Variants in KIF21B observed in about 807,000 individuals in gnomAD.
KIF21B encodes kinesin-like protein KIF21B.
In KIF21B, 85 loss-of-function variants were observed where a neutral mutation model predicts 192.9. The observed-to-expected ratio is 0.44, with a 90% CI of 0.37 to 0.53. KIF21B has a LOEUF of 0.53. Among genes scored for constraint, KIF21B ranks in the 20% least tolerant of loss-of-function variants. The pLI is 0.00. For missense variants in KIF21B, 1,716 were observed against 2,194.8 expected (o/e 0.78, Z 4.36); for synonymous variants, 832 against 884.6 (o/e 0.94, Z 1.05).
Position 200,999,930 on chromosome 1 carries a change from G to A in KIF21B, c.1720C>T (p.Leu574Phe). The A allele has an allele frequency of 1.2e-6, 2 of 1,614,026 alleles. No individual in the cohort carries two copies. Among genetic ancestry groups the A allele is most frequent in the South Asian group, 1.1e-5 (1 of 91,092 alleles). Residue 574 changes from leucine (L) to phenylalanine (F), a missense_variant, in exon 12 of 35, where the codon CTC becomes TTC. Leu to Phe is a conservative substitution (Grantham distance 22). Around this residue, in one of 3 missense-constraint regions of KIF21B, gnomAD observed 1,087 missense variants for 1,316.6 expected, o/e 0.83. Coordinates refer to ENST00000461742, the MANE Select transcript of KIF21B (RefSeq NM_001252102.2). The surrounding 1 kb of genome is among the most constrained non-coding windows in gnomAD (Gnocchi z 4.7). ...EKEAFKKRAK[L>F]QQENSEETDE... ...GTCTCCTCGCTGTTCTCCTGTTGGA[G>A]TTTTGCCCTCTTTTTGAAGGCTTCC...
In KIF21B at chr1:200,992,314, C is replaced by T. The variant is rs775462491; in HGVS notation, c.2353G>A (p.Ala785Thr). 30 of 1,612,624 alleles carry T rather than the reference C, an allele frequency of 1.9e-5. No homozygotes were observed. Among genetic ancestry groups the T allele is most frequent in the East Asian group, 1.1e-4 (5 of 44,902 alleles). Residue 785 changes from alanine (A) to threonine (T), a missense_variant, in exon 16 of 35, where the codon GCA (alanine) becomes ACA (threonine). Physicochemically the swap from Ala to Thr is moderately conservative, Grantham distance 58. Around this residue, in one of 3 missense-constraint regions of KIF21B, gnomAD observed 1,087 missense variants for 1,316.6 expected, o/e 0.83. Transcript: ENST00000461742. The stretch of plus-strand genomic sequence containing the variant: ...CGCCGCTGCTCCTTCTTGAGCTGTG[C>T]GATCTCCCGGTTCCTCTTGGTCTCC... The part of the protein sequence containing the change: ...LVETKRNREI[A>T]QLKKEQRRQE...
In KIF21B at chr1:201,002,103, G is replaced by A. The variant is rs1458392496; in HGVS notation, c.1402+58C>T. 34 of 1,481,574 alleles carry A rather than the reference G, an allele frequency of 2.3e-5. No homozygotes were observed. The Admixed American group carries it at 2.5e-4, about 11-fold the overall frequency. The allele number at this position is 1,481,574 out of a possible 1,614,324, so 91.8% of individuals were successfully genotyped here. A position where few individuals can be genotyped will look rare whatever the true frequency, so the allele number is the denominator to read the frequency against. On this transcript the variant is annotated intron_variant, in intron 9 of 34. Transcript: ENST00000461742. ...CACCTGATACTCTGGGGTGGATGTC[G>A]GGGGAGGGAGTCCTAGCCCGTTGGT...
At chr1:201,018,205 G>A (rs1448922222) in intron 1 of KIF21B, among the ~76,000 whole-genome samples, 1 of 152,198 alleles carries the variant, frequency 6.6e-6, no homozygotes, top group Non-Finnish European at 1.5e-5. Context: ...TGTGAGGTGG[G>A]GGGCCAGCAA....
At chr1:201,016,466 C>A (rs1658509312) in intron 1 of KIF21B, among the ~76,000 whole-genome samples, 1 of 152,194 alleles carries the variant, frequency 6.6e-6, no homozygotes, top group African/African-American at 2.4e-5. Flanking sequence ...CTTTAATGAG[C>A]CTCCTCTCCT....
At position 201,005,288 on chromosome 1, in the gene KIF21B, G is replaced by GC; in HGVS notation, c.732+19dup. 1 of 1,558,320 alleles carries GC rather than the reference G, an allele frequency of 6.4e-7. No homozygotes were observed. ...ACCCCTGCAGCAAGCTGGCTCCTGG[G>GC]CCCCCTGCAGGCTCCTCACCAGGTC... is the stretch of plus-strand genomic sequence containing the variant. On this transcript the variant is annotated intron_variant, in intron 5 of 34. Transcript: ENST00000461742.
rs1342095676 is a variant in KIF21B, at chr1:201,023,030, G to T, written c.41+313C>A. On this transcript the variant is annotated intron_variant, in intron 1 of 34. Coordinates refer to ENST00000461742, the MANE Select transcript of KIF21B (RefSeq NM_001252102.2). This position sits in a 1 kb window ranked among gnomAD's most constrained non-coding sequence, Gnocchi z 5.9. ...GGAGGCGAAGAGGAAACGCACAGAC[G>T]CTCCGGCCTGGGCCAGAGCTGGGTG... is the stretch of plus-strand genomic sequence containing the variant. Among the ~76,000 whole-genome samples the T allele has an allele frequency of 6.6e-6, 1 of 152,266 alleles. No homozygotes were observed. Among genetic ancestry groups the T allele is most frequent in the African/African-American group, 2.4e-5 (1 of 41,482 alleles).
In KIF21B at chr1:200,978,375, TA is replaced by T. The variant is rs546938441; in HGVS notation, c.4161-1000del. Among the ~76,000 whole-genome samples, 421 of 151,932 alleles carry T rather than the reference TA, an allele frequency of 2.8e-3. 1 individual carries two copies. The highest frequency in any genetic ancestry group is 9.6e-3 in the African/African-American group (399 of 41,410). Reference sequence around the variant, plus strand: ...TGTTTACTTTTTTTTTTTAAGACTTTATTTTTTTTTTTAAGGCCAGTTTTAG... The same window carrying T: ...TGTTTACTTTTTTTTTTTAAGACTTTTTTTTTTTTTTAAGGCCAGTTTTAG... On this transcript the variant is annotated intron_variant, in intron 30 of 34. Coordinates refer to ENST00000461742, the MANE Select transcript of KIF21B (RefSeq NM_001252102.2).
chr1:200,987,244 A>C, intron 24 of KIF21B, 43 bp from the exon 25 acceptor site: 1 of 1,552,124 alleles, frequency 6.4e-7, no homozygotes, highest in Non-Finnish European at 8.8e-7. Context: ...CCCAAATTGC[A>C]TGGCACATAA....
intron 24 of KIF21B, among the ~76,000 whole-genome samples, chr1:200,987,800 GC>G (rs1656403966): frequency 6.6e-6 from 1 of 152,222 alleles, no homozygotes; most frequent in African/African-American, 2.4e-5. Flanking sequence ...CCAGTCTGAA[GC>G]TTTTTCCCTC....
intron 1 of KIF21B, among the ~76,000 whole-genome samples, chr1:201,013,364 G>A (rs1220206166): frequency 3.9e-5 from 6 of 152,076 alleles, no homozygotes; most frequent in Admixed American, 2.6e-4. Context: ...CCCCACCCTT[G>A]GTGAGGTCAC....
At position 201,004,774 on chromosome 1, in the gene KIF21B, A is replaced by C. The variant is rs761122837; in HGVS notation, c.892T>G (p.Cys298Gly). The change falls in exon 6 of 35, where the codon TGT becomes GGT. Residue 298 changes from cysteine to glycine, a missense_variant. By Grantham distance (159) the Cys-to-Gly change is radical. Around this residue, in one of 3 missense-constraint regions of KIF21B, gnomAD observed 1,087 missense variants for 1,316.6 expected, o/e 0.83. Coordinates refer to ENST00000461742, the MANE Select transcript of KIF21B (RefSeq NM_001252102.2). ...ACCCACCATGTGCCTACCAGGCCAC[A>C]GTTGATGGAGATGCCCTCCTTGGCC... ...ERAKEGISIN[C>G]GLLALGNVIS... 4.3e-5 allele frequency: 69 copies of C among 1,613,980 alleles called. No homozygotes were observed. Among genetic ancestry groups the C allele is most frequent in the Non-Finnish European group, 5.7e-5 (67 of 1,180,030 alleles).
intron 1 of KIF21B, among the ~76,000 whole-genome samples, chr1:201,014,896 A>G (rs561096216): frequency 6.6e-6 from 1 of 152,336 alleles, no homozygotes; most frequent in South Asian, 2.1e-4. Flanking sequence ...TCTTACAAAT[A>G]TGGTGCATGA....
At chr1:201,006,026 G>A (rs1482755600) in intron 3 of KIF21B, among the ~76,000 whole-genome samples, 3 of 152,266 alleles carry the variant, frequency 2.0e-5, no homozygotes, top group Non-Finnish European at 4.4e-5. Flanking sequence ...AATTTGAGAA[G>A]ATCCTGTCGT....
At chr1:200,991,971 C>T (rs372009214) in intron 16 of KIF21B, among the ~76,000 whole-genome samples, 5 of 152,262 alleles carry the variant, frequency 3.3e-5, no homozygotes, top group East Asian at 3.8e-4. Context: ...AATCCTGGAG[C>T]GGAGGGCTCA....
rs1656595911 is a variant in KIF21B, at chr1:200,990,258, C to T, written c.2910G>A (p.Glu970=). ...CCAGCTCCTGCAGCCCCTTCTCTTC[C>T]TCGGGGCTCTCAGCCTGCAGCCGCT... ...KRERLQAESP[E]EEKGLQELAE... The change falls in exon 20 of 35, where the codon GAG becomes GAA. Residue 970 remains glutamate (E), a synonymous_variant. Transcript: ENST00000461742. The surrounding 1 kb of genome is among the most constrained non-coding windows in gnomAD (Gnocchi z 5.4). The T allele has an allele frequency of 1.9e-6, 3 of 1,613,848 alleles. No individual in the cohort carries two copies. The highest frequency in any genetic ancestry group is 2.5e-6 in the Non-Finnish European group (3 of 1,179,956).
In KIF21B at chr1:200,981,009, G is replaced by A. The variant is rs761591988; in HGVS notation, c.3930C>T (p.Pro1310=). 2 of 1,611,460 alleles carry A rather than the reference G, an allele frequency of 1.2e-6. No individual in the cohort carries two copies. Among genetic ancestry groups the A allele is most frequent in the South Asian group, 1.1e-5 (1 of 90,468 alleles). The change falls in exon 29 of 35, where the codon CCC becomes CCT. Residue 1310 remains proline, a synonymous_variant. Transcript: ENST00000461742. ...CVSMAEGHTK[P]ILCLDATDEL... The stretch of plus-strand genomic sequence containing the variant: ...CATCTGTGGCATCCAGGCAGAGGAT[G>A]GGCTTGGTGTGGCCTTCGGCCATGG...
chr1:201,006,079 T>C (rs961645893), intron 3 of KIF21B, among the ~76,000 whole-genome samples: 7 of 152,230 alleles, frequency 4.6e-5, no homozygotes. Context: ...TGATTCCAGA[T>C]GAGGCAGGGC....
chr1:201,000,595 C>G lies in KIF21B; in HGVS notation c.1480G>C (p.Glu494Gln). Residue 494 changes from glutamate to glutamine, a missense_variant, in exon 11 of 35, where the codon GAG (glutamate) becomes CAG (glutamine). Transcript: ENST00000461742. This position sits in a 1 kb window ranked among gnomAD's most constrained non-coding sequence, Gnocchi z 6.0. ...AGGGACTCGTTCATGGCTTCACTCTCTAGAAGCTTAGTCCTGCACAGGAAG... is the reference window on the plus strand; with the variant it reads ...AGGGACTCGTTCATGGCTTCACTCTGTAGAAGCTTAGTCCTGCACAGGAAG... ...EIEELRTKLL[E>Q]SEAMNESLRR... is the part of the protein sequence containing the mutation. The G allele has an allele frequency of 6.2e-7, 1 of 1,613,482 alleles. No individual in the cohort carries two copies. The highest frequency in any genetic ancestry group is 8.5e-7 in the Non-Finnish European group (1 of 1,179,936).
chr1:201,013,860 A>C (rs1161372944), intron 1 of KIF21B, among the ~76,000 whole-genome samples: 1 of 152,180 alleles, frequency 6.6e-6, no homozygotes, highest in African/African-American at 2.4e-5. Flanking sequence ...TCTGTCAGTA[A>C]AGTTTTGCGG....
Sources: gnomAD v4.1 joint callset for allele counts (sites outside exome capture counted in the v4.1 genomes callset) on GRCh38, gnomAD v4.1.1 for gene constraint, gnomAD v4.1.1 regional missense constraint, Gnocchi (gnomAD v3.1) non-coding constraint, MANE v1.5 for transcripts, NCBI Gene and HGNC (gene_info 2026-07-23, HGNC 2026-07-21) for gene names.